PADI2: variants seen among roughly 807,000 people sequenced by gnomAD.
PADI2 encodes protein-arginine deiminase type-2.
PADI2 carries 70 observed loss-of-function variants against 81.1 expected under a neutral mutation model. That is an observed-to-expected ratio of 0.86 (90% CI 0.71 to 1.05). The LOEUF is 1.05. Ranked by LOEUF, PADI2 falls within the 50% of genes least tolerant of loss-of-function variation. The pLI, the probability that PADI2 is intolerant of heterozygous loss-of-function variation, is 0.00. For synonymous variants in PADI2, 338 were observed against 358.0 expected (o/e 0.94, Z 0.63); for missense variants, 853 against 889.9 (o/e 0.96, Z 0.53).
Position 17,093,605 on chromosome 1 carries a change from T to C in PADI2, c.491A>G (p.Lys164Arg). The C allele has an allele frequency of 6.2e-7, 1 of 1,613,972 alleles. No homozygotes were observed. The highest frequency in any genetic ancestry group is 1.1e-5 in the South Asian group (1 of 91,066). ...NCDRETPWLPKEDCRDEKVYS... is the reference protein window; with the variant it reads ...NCDRETPWLPREDCRDEKVYS... ...GACCTTCTCATCACGGCAGTCCTCC[T>C]TGGGCAACCAGGGTGTCTCTCGGTC... The change falls in exon 5 of 16, where the codon AAG (lysine) becomes AGG (arginine). Residue 164 changes from lysine to arginine, a missense_variant. By Grantham distance (26) the Lys-to-Arg change is conservative. Coordinates refer to ENST00000375486, the MANE Select transcript of PADI2 (RefSeq NM_007365.3).
rs530350099 is a variant in PADI2 at position 17,079,542 on chromosome 1, C to T, written c.1159-127G>A. Reference sequence around the variant, plus strand: ...ACCCAGTTTCCAGGTGGGTTGTCCACGGTCTTCCTATGATTAACAAAGAGC... The same window carrying T: ...ACCCAGTTTCCAGGTGGGTTGTCCATGGTCTTCCTATGATTAACAAAGAGC... On this transcript the variant is annotated intron_variant, in intron 10 of 15. Coordinates refer to ENST00000375486, the MANE Select transcript of PADI2 (RefSeq NM_007365.3). 670 of 707,070 alleles carry T rather than the reference C, an allele frequency of 9.5e-4. 4 individuals are homozygous for T. The highest frequency in any genetic ancestry group is 1.4e-3 in the Non-Finnish European group (613 of 428,790). The allele number at this position is 707,070 out of a possible 1,614,324, so 43.8% of individuals were successfully genotyped here. A position where few individuals can be genotyped will look rare whatever the true frequency, so the allele number is the denominator to read the frequency against.
intron 3 of PADI2, among the ~76,000 whole-genome samples, chr1:17,099,630 G>C (rs1931070176): frequency 6.6e-6 from 1 of 152,166 alleles, no homozygotes. Context: ...TCATGAATTT[G>C]CTCCCAAATC....
intron 13 of PADI2, among the ~76,000 whole-genome samples, chr1:17,071,700 A>G (rs2078265614): frequency 6.6e-6 from 1 of 152,164 alleles, no homozygotes; most frequent in Non-Finnish European, 1.5e-5. Context: ...TTTTCTCCAG[A>G]GTTGACCATG....
In PADI2 at chr1:17,068,974, A is replaced by G. The variant is rs2078244631; in HGVS notation, c.*70T>C. ...GGGCTGTCCAGTCCATGTCAGCAGAAGGCTCTGGGCGTGTGAGGGAGGGTC... is the reference window on the plus strand; with the variant it reads ...GGGCTGTCCAGTCCATGTCAGCAGAGGGCTCTGGGCGTGTGAGGGAGGGTC... On this transcript the variant is annotated 3_prime_UTR_variant, in exon 16 of 16. Transcript: ENST00000375486. 2 of 1,189,662 alleles carry G rather than the reference A, an allele frequency of 1.7e-6. No individual in the cohort carries two copies. The highest frequency in any genetic ancestry group is 3.4e-5 in the Admixed American group (2 of 58,924). The allele number at this position is 1,189,662 out of a possible 1,614,324, so 73.7% of individuals were successfully genotyped here. A position where few individuals can be genotyped will look rare whatever the true frequency, so the allele number is the denominator to read the frequency against.
rs542670511 is a variant in PADI2, at chr1:17,094,985, A to T, written c.411+924T>A. Among the ~76,000 whole-genome samples, 15 of 152,274 alleles carry T rather than the reference A, an allele frequency of 9.9e-5. No individual in the cohort carries two copies. The East Asian group carries it at 1.4e-3, about 14-fold the overall frequency. ...CCACATGGCTGAGAACCCTCTCCTGACCTGCAGAGAGTCAGGGTAGCAGGC... is the reference window on the plus strand; with the variant it reads ...CCACATGGCTGAGAACCCTCTCCTGTCCTGCAGAGAGTCAGGGTAGCAGGC... On this transcript the variant is annotated intron_variant, in intron 4 of 15. Transcript: ENST00000375486.
chr1:17,075,864 C>T (rs746257873), intron 11 of PADI2, 41 bp from the exon 12 acceptor site: 28 of 1,598,434 alleles, frequency 1.8e-5, no homozygotes, highest in Middle Eastern at 1.7e-4. Context: ...AATTACCCAC[C>T]GCACCAGAGG....
At chr1:17,117,700 A>AC (rs1297107297) in intron 1 of PADI2, among the ~76,000 whole-genome samples, 1 of 151,876 alleles carries the variant, frequency 6.6e-6, no homozygotes, top group Non-Finnish European at 1.5e-5. Context: ...TTTGCTCCCC[A>AC]CCCCCGACTG....
chr1:17,116,660 A>G (rs1931771029), intron 1 of PADI2, among the ~76,000 whole-genome samples: 1 of 152,156 alleles, frequency 6.6e-6, no homozygotes, highest in Non-Finnish European at 1.5e-5. Context: ...ATGAGTTCTG[A>G]GTCAAACAGA....
chr1:17,069,651 ATG>A (rs10562890), intron 15 of PADI2, among the ~76,000 whole-genome samples: 79,092 of 151,832 alleles, frequency 0.52, 21,465 homozygotes, highest in Non-Finnish European at 0.61. Flanking sequence ...TCATGCGTGC[ATG>A]TGTGTTTCTG....
At chr1:17,080,219 T>C (rs998216253) in intron 10 of PADI2, among the ~76,000 whole-genome samples, 4 of 152,220 alleles carry the variant, frequency 2.6e-5, no homozygotes, top group African/African-American at 9.7e-5. Flanking sequence ...CCCATTGCCA[T>C]GTGACTTCTG....
In PADI2 at chr1:17,119,226, T is replaced by C; in HGVS notation, c.92+54A>G. The C allele has an allele frequency of 7.7e-7, 1 of 1,294,550 alleles. No individual in the cohort carries two copies. The highest frequency in any genetic ancestry group is 1.1e-6 in the Non-Finnish European group (1 of 938,194). The allele number at this position is 1,294,550 out of a possible 1,614,324, so 80.2% of individuals were successfully genotyped here. ...CCACGTCCCCGAGTCTGAGCGCGTC[T>C]CAGGATTTCTGGGCTCGAGATCTCG... On this transcript the variant is annotated intron_variant, in intron 1 of 15. Transcript: ENST00000375486. The surrounding 1 kb of genome is among the most constrained non-coding windows in gnomAD (Gnocchi z 4.8).
At position 17,070,199 on chromosome 1, in the gene PADI2, G is replaced by A; in HGVS notation, c.1653C>T (p.Asn551=). The A allele has an allele frequency of 6.2e-7, 1 of 1,614,074 alleles. No homozygotes were observed. The highest frequency in any genetic ancestry group is 8.5e-7 in the Non-Finnish European group (1 of 1,179,978). The change falls in exon 15 of 16, where the codon AAC becomes AAT. Residue 551 remains asparagine (N), a synonymous_variant. Coordinates refer to ENST00000375486, the MANE Select transcript of PADI2 (RefSeq NM_007365.3). ...NLYFQRCLDW[N]RDILKKELGL... Reference sequence around the variant, plus strand: ...CCAGCTCCTTCTTGAGGATGTCACGGTTCCAGTCTAGGCAGCGCTGGGTAG... The same window carrying A: ...CCAGCTCCTTCTTGAGGATGTCACGATTCCAGTCTAGGCAGCGCTGGGTAG...
At chr1:17,101,195 CTG>C (rs1931129428) in intron 3 of PADI2, among the ~76,000 whole-genome samples, 1 of 152,214 alleles carries the variant, frequency 6.6e-6, no homozygotes. Flanking sequence ...GCCGCCAACT[CTG>C]AGCGGGCTTC....
At chr1:17,093,967 T>C (rs1570993104) in intron 4 of PADI2, among the ~76,000 whole-genome samples, 3 of 151,646 alleles carry the variant, frequency 2.0e-5, no homozygotes, top group African/African-American at 4.8e-5. Flanking sequence ...GGCAGGGAGG[T>C]GGAGGCTGGC....
At chr1:17,078,636 C>T (rs981485402) in intron 11 of PADI2, among the ~76,000 whole-genome samples, 2 of 152,178 alleles carry the variant, frequency 1.3e-5, no homozygotes, top group African/African-American at 4.8e-5. Context: ...AATCTGCTTG[C>T]CTCGGCCTCC....
chr1:17,083,678 C>T, intron 9 of PADI2, 48 bp downstream of exon 9: 1 of 1,197,096 alleles, frequency 8.4e-7, no homozygotes, highest in Non-Finnish European at 1.3e-6. Context: ...CTCTTCTTTG[C>T]TTGACCCGGG....
chr1:17,098,947 G>A (rs1406570550), intron 3 of PADI2, among the ~76,000 whole-genome samples: 5 of 152,214 alleles, frequency 3.3e-5, no homozygotes, highest in Non-Finnish European at 5.9e-5. Flanking sequence ...GGAGGGAGAG[G>A]AGCTCTGCTT....
chr1:17,086,407 C>CA, intron 7 of PADI2, 114 bp downstream of exon 7: 1 of 863,226 alleles, frequency 1.2e-6, no homozygotes, highest in Non-Finnish European at 1.7e-6. Flanking sequence ...AGCCTGGACC[C>CA]ACCCCTTTGG....
chr1:17,073,028 G>A lies in PADI2; in HGVS notation c.1550-1537C>T, dbSNP rs1033007608. 7.2e-5 allele frequency among the ~76,000 whole-genome samples: 11 copies of A among 152,218 alleles called. No individual in the cohort carries two copies. The East Asian group carries it at 7.7e-4, about 11-fold the overall frequency. On this transcript the variant is annotated intron_variant, in intron 13 of 15. Coordinates refer to ENST00000375486, the MANE Select transcript of PADI2 (RefSeq NM_007365.3). ...CAGGAACACTGTCTTTGGATCTGAGGGGCAGTCATGTAAGTATCAACCAGC... is the reference window on the plus strand; with the variant it reads ...CAGGAACACTGTCTTTGGATCTGAGAGGCAGTCATGTAAGTATCAACCAGC...
Sources: gnomAD v4.1 joint callset for allele counts (sites outside exome capture counted in the v4.1 genomes callset) on GRCh38, gnomAD v4.1.1 for gene constraint, Gnocchi (gnomAD v3.1) non-coding constraint, MANE v1.5 for transcripts, NCBI Gene and HGNC (gene_info 2026-07-23, HGNC 2026-07-21) for gene names.